The following TAOK3 variants were observed in gnomAD, a reference collection of about 807,000 sequenced individuals.
TAOK3 encodes the protein serine/threonine-protein kinase TAO3.
Under a neutral mutation model 120.4 loss-of-function variants are expected in TAOK3, and 40 were observed. That is an observed-to-expected ratio of 0.33 (90% CI 0.26 to 0.43). The LOEUF (loss-of-function observed/expected upper bound fraction) is 0.43. TAOK3 is among the 20% of genes least tolerant of loss of function. The probability of loss-of-function intolerance (pLI) is 1.00; values close to 1 mark genes in which losing one functional copy is unlikely to be tolerated. For missense variants in TAOK3, 821 were observed against 1,112.1 expected (o/e 0.74, Z 3.72); for synonymous variants, 355 against 387.5 (o/e 0.92, Z 0.99).
intron 1 of TAOK3, among the ~76,000 whole-genome samples, chr12:118,340,804 A>G (rs2141119058): frequency 6.6e-6 from 1 of 151,668 alleles, no homozygotes; most frequent in South Asian, 2.1e-4. Context: ...TTGGCCGCAC[A>G]TGGTGGCTCA....
At chr12:118,151,293 A>G (rs777938232) in intron 20 of TAOK3, 135 bp from the exon 21 acceptor site, 44,252 of 241,656 alleles carry the variant, frequency 0.18, 1,241 homozygotes, top group Middle Eastern at 0.36. Flanking sequence ...GCGCGCGCAC[A>G]CACACACACA....
chr12:118,269,043 A>AAAAAG (rs2041583171), intron 1 of TAOK3, among the ~76,000 whole-genome samples: 1 of 151,898 alleles, frequency 6.6e-6, no homozygotes, highest in Non-Finnish European at 1.5e-5. Context: ...AAAGAAAAGA[A>AAAAAG]AAAAGAAAAG....
At chr12:118,238,021 G>T in intron 7 of TAOK3, 52 bp downstream of exon 7, 1 of 1,265,326 alleles carries the variant, frequency 7.9e-7, no homozygotes, top group Non-Finnish European at 1.1e-6. Context: ...CAAGGTTCCT[G>T]GAATAGACAG....
chr12:118,238,029 C>A (rs774351221), intron 7 of TAOK3, 44 bp downstream of exon 7: 1 of 1,324,304 alleles, frequency 7.6e-7, no homozygotes, highest in South Asian at 1.3e-5. Context: ...CTGGAATAGA[C>A]AGTCCTGCAA....
chr12:118,309,105 G>A (rs1404284878), intron 1 of TAOK3, among the ~76,000 whole-genome samples: 2 of 151,944 alleles, frequency 1.3e-5, no homozygotes, highest in African/African-American at 4.8e-5. Context: ...AAGGAGGGCG[G>A]GTCACCTGAG....
chr12:118,289,425 T>C (rs1453664401), intron 1 of TAOK3, among the ~76,000 whole-genome samples: 1 of 152,062 alleles, frequency 6.6e-6, no homozygotes, highest in Non-Finnish European at 1.5e-5. Flanking sequence ...GGGTAAAAAT[T>C]ATTCTTTGAA....
intron 11 of TAOK3, among the ~76,000 whole-genome samples, chr12:118,202,136 T>C (rs1593141319): frequency 6.7e-6 from 1 of 149,420 alleles, no homozygotes; most frequent in Non-Finnish European, 1.5e-5. Flanking sequence ...CTTAAGACTA[T>C]ATATAAAATA....
intron 15 of TAOK3, 137 bp from the exon 16 acceptor site, chr12:118,177,466 GT>G: frequency 9.4e-6 from 5 of 532,080 alleles, no homozygotes; most frequent in Non-Finnish European, 1.5e-5. Context: ...AAAAATAATT[GT>G]TTTTCTGATT....
chr12:118,172,368 T>C (rs560337087), intron 17 of TAOK3, 89 bp downstream of exon 17: 52 of 1,395,274 alleles, frequency 3.7e-5, no homozygotes, highest in South Asian at 3.5e-4. Flanking sequence ...GCTAGGGATA[T>C]AGGAATGGAC....
At chr12:118,240,242 C>T (rs2040190036) in intron 5 of TAOK3, among the ~76,000 whole-genome samples, 2 of 149,866 alleles carry the variant, frequency 1.3e-5, no homozygotes, top group South Asian at 2.1e-4. Context: ...TGCAATGGCA[C>T]GATCTTGGCT....
At chr12:118,222,004 A>G (rs1392039444) in intron 9 of TAOK3, among the ~76,000 whole-genome samples, 2 of 151,996 alleles carry the variant, frequency 1.3e-5, no homozygotes, top group Admixed American at 1.3e-4. Context: ...ACATTAAAAG[A>G]AAAAACAGTA....
intron 9 of TAOK3, among the ~76,000 whole-genome samples, chr12:118,226,166 G>A (rs369890945): frequency 8.3e-4 from 127 of 152,342 alleles, no homozygotes; most frequent in African/African-American, 3.0e-3. Flanking sequence ...ACAAGGTCAG[G>A]AGATCGAGAC....
chr12:118,244,823 C>T (rs949434885), intron 4 of TAOK3, 71 bp downstream of exon 4: 20 of 1,213,576 alleles, frequency 1.6e-5, no homozygotes, highest in African/African-American at 3.0e-5. Flanking sequence ...CCACCGCGCC[C>T]GGCCAGAATT....
At chr12:118,181,105 A>G (rs562884419) in intron 15 of TAOK3, among the ~76,000 whole-genome samples, 1 of 152,286 alleles carries the variant, frequency 6.6e-6, no homozygotes, top group East Asian at 1.9e-4. Flanking sequence ...TCGGCCTCCC[A>G]AAGTGCTGGG....
chr12:118,293,463 G>A (rs1409205627), intron 1 of TAOK3, among the ~76,000 whole-genome samples: 2 of 151,844 alleles, frequency 1.3e-5, no homozygotes, highest in African/African-American at 2.4e-5. Flanking sequence ...TGGATCACAA[G>A]GTCAGGAGTT....
chr12:118,181,548 A>T lies in TAOK3; in HGVS notation c.1389T>A (p.Gly463=), dbSNP rs757402960. The T allele has an allele frequency of 6.2e-7, 1 of 1,614,106 alleles. No individual in the cohort carries two copies. The highest frequency in any genetic ancestry group is 8.5e-7 in the Non-Finnish European group (1 of 1,180,022). The change falls in exon 15 of 21, where the codon GGT becomes GGA. Residue 463 remains glycine (G), a synonymous_variant. Transcript: ENST00000392533. ...QENELREQMS[G]YKRMRRQHQK... Reference sequence around the variant, plus strand: ...GGTGCTGGCGCCGCATCCGCTTATAACCTGACATCTGTTCCCGCAACTCGT... The same window carrying T: ...GGTGCTGGCGCCGCATCCGCTTATATCCTGACATCTGTTCCCGCAACTCGT...
chr12:118,219,770 C>CTTTTTT (rs35568926), intron 9 of TAOK3, among the ~76,000 whole-genome samples: 6 of 58,836 alleles, frequency 1.0e-4, no homozygotes, highest in African/African-American at 2.8e-4. Context: ...ACTTTTTTGG[C>CTTTTTT]TTTTTTTTTT....
Position 118,247,369 on chromosome 12 carries a change from C to T in TAOK3, c.121-2404G>A, listed in dbSNP as rs561524039. On this transcript the variant is annotated intron_variant, in intron 3 of 20. Transcript: ENST00000392533. ...AGGTTGCCTTGTCTCATAATTATGTCTACTTGTCTTCTCCATACTCCAAAT... is the reference window on the plus strand; with the variant it reads ...AGGTTGCCTTGTCTCATAATTATGTTTACTTGTCTTCTCCATACTCCAAAT... Among the ~76,000 whole-genome samples the T allele has an allele frequency of 1.3e-4, 20 of 152,050 alleles. 1 individual carries two copies. In the South Asian group the frequency reaches 4.2e-3, roughly 32 times the overall value.
intron 1 of TAOK3, among the ~76,000 whole-genome samples, chr12:118,318,804 A>G (rs1403356154): frequency 2.6e-5 from 4 of 152,232 alleles, no homozygotes; most frequent in Non-Finnish European, 4.4e-5. Context: ...ATTATTCACA[A>G]CAGCTAAGAT....
Sources: gnomAD v4.1 joint callset for allele counts (sites outside exome capture counted in the v4.1 genomes callset) on GRCh38, gnomAD v4.1.1 for gene constraint, MANE v1.5 for transcripts, NCBI Gene and HGNC (gene_info 2026-07-23, HGNC 2026-07-21) for gene names.